PXDNL: variants seen among roughly 807,000 people sequenced by gnomAD.
The protein encoded by PXDNL is probable oxidoreductase PXDNL.
In PXDNL, 145 loss-of-function variants were observed where a neutral mutation model predicts 150.8. The observed-to-expected ratio is 0.96, with a 90% confidence interval of 0.84 to 1.10. The LOEUF (loss-of-function observed/expected upper bound fraction) is 1.10, where lower values mean the gene tolerates loss of function less well. PXDNL is among the 50% of genes least tolerant of loss of function. The probability of loss-of-function intolerance (pLI) is 0.00; values close to 1 mark genes in which losing one functional copy is unlikely to be tolerated. For missense variants in PXDNL, 2,087 were observed against 1,873.9 expected (o/e 1.11, Z -2.10); for synonymous variants, 757 against 725.7 (o/e 1.04, Z -0.69).
At chr8:51,524,148 C>CACT (rs5891419) in intron 4 of PXDNL, among the ~76,000 whole-genome samples, 1 of 152,156 alleles carries the variant, frequency 6.6e-6, no homozygotes, top group Non-Finnish European at 1.5e-5. Flanking sequence ...GGAGTCATAC[C>CACT]TGATATATGA....
chr8:51,531,360 T>C (rs1377596202), intron 4 of PXDNL, among the ~76,000 whole-genome samples: 1 of 152,182 alleles, frequency 6.6e-6, no homozygotes, highest in Admixed American at 6.5e-5. Context: ...TTATTAAACC[T>C]GTTCTATTCC....
chr8:51,692,742 C>G (rs1816028878), intron 1 of PXDNL, among the ~76,000 whole-genome samples: 1 of 152,216 alleles, frequency 6.6e-6, no homozygotes, highest in South Asian at 2.1e-4. Context: ...TAAACCATAG[C>G]TCACTAGGTG....
chr8:51,578,492 G>A lies in PXDNL; in HGVS notation c.308+14135C>T, dbSNP rs557584235. On this transcript the variant is annotated intron_variant, in intron 3 of 22. Transcript: ENST00000356297. ...AAAAATTAAACAGATCTAAATAAAT[G>A]GAGACTTACCTTGTTCATGAATTTA... is the stretch of plus-strand genomic sequence containing the variant. Among the ~76,000 whole-genome samples, 3 of 151,872 alleles carry A rather than the reference G, an allele frequency of 2.0e-5. No individual in the cohort carries two copies. In the South Asian group the frequency reaches 6.2e-4, roughly 32 times the overall value.
At chr8:51,511,642 G>A (rs192035307) in intron 4 of PXDNL, among the ~76,000 whole-genome samples, 2 of 152,220 alleles carry the variant, frequency 1.3e-5, no homozygotes, top group African/African-American at 4.8e-5. Context: ...CTGCAGGCCA[G>A]ACTCAGGCAG....
chr8:51,483,606 A>G lies in PXDNL; in HGVS notation c.524+37T>C, dbSNP rs576398391. 2.1e-5 allele frequency: 27 copies of G among 1,281,538 alleles called. 1 individual carries two copies. In the African/African-American group the frequency reaches 3.3e-4, roughly 16 times the overall value. 79.4% of individuals were successfully genotyped at this position (1,281,538 alleles called of 1,614,324 possible). A position where few individuals can be genotyped will look rare whatever the true frequency, so the allele number is the denominator to read the frequency against. ...TGGGATGGATTTTGGAGGAAATTAT[A>G]AAAGGTTTTTGTGTTAATGCACTTG... On this transcript the variant is annotated intron_variant, in intron 6 of 22. Coordinates refer to ENST00000356297, the MANE Select transcript of PXDNL (RefSeq NM_144651.5).
chr8:51,586,269 C>T lies in PXDNL; in HGVS notation c.308+6358G>A, dbSNP rs577785528. ...TCTAGCTGGCTAGAGAAAGAGAAGC[C>T]ACATGGAAAAGAAAAGGATCCCAGC... On this transcript the variant is annotated intron_variant, in intron 3 of 22. Coordinates refer to ENST00000356297, the MANE Select transcript of PXDNL (RefSeq NM_144651.5). Among the ~76,000 whole-genome samples, 3 of 152,156 alleles carry T rather than the reference C, an allele frequency of 2.0e-5. No homozygotes were observed. The East Asian group carries it at 5.8e-4, about 29-fold the overall frequency.
chr8:51,365,416 G>A (rs1806884216), intron 19 of PXDNL, among the ~76,000 whole-genome samples: 2 of 152,192 alleles, frequency 1.3e-5, no homozygotes, highest in Admixed American at 6.5e-5. Flanking sequence ...TTAATGAATA[G>A]ACTGCTTGGT....
chr8:51,363,372 T>C (rs768057182), intron 19 of PXDNL, among the ~76,000 whole-genome samples: 40 of 152,084 alleles, frequency 2.6e-4, no homozygotes, highest in Non-Finnish European at 4.7e-4. Flanking sequence ...AGGGCTTTAT[T>C]CAGCCGGGAG....
At chr8:51,339,257 C>T (rs1805919452) in intron 21 of PXDNL, among the ~76,000 whole-genome samples, 1 of 152,142 alleles carries the variant, frequency 6.6e-6, no homozygotes, top group Non-Finnish European at 1.5e-5. Flanking sequence ...TCCAGGAGTT[C>T]AAGACCAGCC....
intron 8 of PXDNL, among the ~76,000 whole-genome samples, chr8:51,458,849 G>A (rs897861687): frequency 6.6e-6 from 1 of 152,160 alleles, no homozygotes; most frequent in Admixed American, 6.5e-5. Context: ...GGCCATATTT[G>A]ACTTTTATGT....
intron 3 of PXDNL, among the ~76,000 whole-genome samples, chr8:51,565,494 A>G (rs1473952886): frequency 6.6e-6 from 1 of 151,718 alleles, no homozygotes; most frequent in Admixed American, 6.6e-5. Context: ...TACTCTGCAC[A>G]CTATATTTTT....
At chr8:51,455,609 A>C (rs1390408340) in intron 9 of PXDNL, among the ~76,000 whole-genome samples, 2 of 152,200 alleles carry the variant, frequency 1.3e-5, no homozygotes, top group Non-Finnish European at 2.9e-5. Flanking sequence ...CAGGCAAAAG[A>C]GATTTAAAAA....
chr8:51,392,942 T>C (rs895061425), intron 17 of PXDNL, among the ~76,000 whole-genome samples: 2 of 152,188 alleles, frequency 1.3e-5, no homozygotes, highest in African/African-American at 2.4e-5. Flanking sequence ...GAGTACACTA[T>C]TGGGAGTAGT....
intron 1 of PXDNL, among the ~76,000 whole-genome samples, chr8:51,665,362 G>A (rs117564835): frequency 4.7e-4 from 72 of 152,272 alleles, no homozygotes; most frequent in South Asian, 8.3e-4. Flanking sequence ...AGTACTAAAT[G>A]TGAGGATTTA....
chr8:51,809,398 T>C lies in PXDNL; in HGVS notation c.-54A>G, dbSNP rs13252785. The C allele has an allele frequency of 0.64, 938,016 of 1,470,616 alleles. 310,957 individuals are homozygous for C. The highest frequency in any genetic ancestry group is 0.68 in the Non-Finnish European group (755,590 of 1,109,764). The allele number at this position is 1,470,616 out of a possible 1,614,324, so 91.1% of individuals were successfully genotyped here. Reference sequence around the variant, plus strand: ...AAGCAGCCGGAGGGAGAGCAGCAGCTGCAGCTGCAGCAGCAACCGCAGTGG... The same window carrying C: ...AAGCAGCCGGAGGGAGAGCAGCAGCCGCAGCTGCAGCAGCAACCGCAGTGG... On this transcript the variant is annotated 5_prime_UTR_variant, in exon 1 of 23. Transcript: ENST00000356297.
chr8:51,376,932 A>G (rs1807334050), intron 17 of PXDNL, among the ~76,000 whole-genome samples: 1 of 151,872 alleles, frequency 6.6e-6, no homozygotes, highest in South Asian at 2.1e-4. Flanking sequence ...GTTAGCCAGG[A>G]TGGTCTCGAT....
intron 10 of PXDNL, among the ~76,000 whole-genome samples, chr8:51,450,014 G>A (rs983665180): frequency 5.9e-5 from 9 of 152,156 alleles, no homozygotes; most frequent in East Asian, 1.9e-4. Context: ...GTTATTTCTC[G>A]ATTATGTGCT....
intron 2 of PXDNL, among the ~76,000 whole-genome samples, chr8:51,639,971 C>G (rs1162641172): frequency 2.0e-5 from 3 of 151,944 alleles, no homozygotes; most frequent in Non-Finnish European, 4.4e-5. Flanking sequence ...ACTGGCAAAC[C>G]GAATCCAGCA....
At chr8:51,675,012 A>T (rs1815582183) in intron 1 of PXDNL, among the ~76,000 whole-genome samples, 1 of 152,210 alleles carries the variant, frequency 6.6e-6, no homozygotes, top group African/African-American at 2.4e-5. Context: ...TGGGAAACTG[A>T]GAACTAACTC....
Sources: allele counts gnomAD v4.1 joint callset (sites outside exome capture counted in the v4.1 genomes callset), GRCh38; gene constraint gnomAD v4.1.1; transcripts MANE v1.5; gene names NCBI Gene and HGNC (gene_info 2026-07-23, HGNC 2026-07-21).